TRPC6: variants seen among roughly 807,000 people sequenced by gnomAD.
The protein encoded by TRPC6 is transient receptor potential cation channel subfamily C member 6, also known as short transient receptor potential channel 6.
A neutral mutation model predicts 90.7 loss-of-function variants in TRPC6; 55 were observed. The observed-to-expected ratio is 0.61, with a 90% confidence interval of 0.49 to 0.76. The LOEUF (loss-of-function observed/expected upper bound fraction) is 0.76. Ranked by LOEUF, TRPC6 falls within the 30% of genes least tolerant of loss-of-function variation. The pLI, the probability that TRPC6 is intolerant of heterozygous loss-of-function variation, is 0.00. For missense variants in TRPC6, 989 were observed against 1,122.7 expected (o/e 0.88, Z 1.70); for synonymous variants, 393 against 393.0 (o/e 1.00, Z 0.00).
rs564663461 is a variant in TRPC6, at chr11:101,546,104, G to C, written c.170+37230C>G. ...TTTTGAGACGGAGTCTCGCTCTGTC[G>C]CCCAGGCCGGACTGCGGACTGCAGT... On this transcript the variant is annotated intron_variant, in intron 1 of 12. Coordinates refer to ENST00000344327, the MANE Select transcript of TRPC6 (RefSeq NM_004621.6). Among the ~76,000 whole-genome samples the C allele has an allele frequency of 5.8e-4, 27 of 46,912 alleles. No individual in the cohort carries two copies. The South Asian group carries it at 0.012, about 20-fold the overall frequency. 30.8% of individuals were successfully genotyped at this position (46,912 alleles called of 152,430 possible).
At chr11:101,501,118 T>A (rs929625264) in intron 2 of TRPC6, among the ~76,000 whole-genome samples, 1 of 148,618 alleles carries the variant, frequency 6.7e-6, no homozygotes, top group African/African-American at 2.5e-5. Flanking sequence ...CATACATACA[T>A]ACATACATAC....
intron 10 of TRPC6, among the ~76,000 whole-genome samples, chr11:101,463,351 T>C (rs1184710393): frequency 1.3e-5 from 2 of 152,348 alleles, no homozygotes; most frequent in Non-Finnish European, 2.9e-5. Context: ...ATTCCCTCTT[T>C]TTCTATTGTT....
At chr11:101,484,186 C>T (rs1379569036) in intron 4 of TRPC6, among the ~76,000 whole-genome samples, 3 of 152,158 alleles carry the variant, frequency 2.0e-5, no homozygotes, top group Non-Finnish European at 4.4e-5. Context: ...TTCAAAAGGG[C>T]AGGTGCACTC....
chr11:101,533,141 G>C (rs1337314413), intron 1 of TRPC6, among the ~76,000 whole-genome samples: 4 of 152,132 alleles, frequency 2.6e-5, no homozygotes, highest in South Asian at 2.1e-4. Flanking sequence ...AAAAAGATGG[G>C]AGTAAGAGTT....
chr11:101,454,654 C>T (rs1258924043), intron 11 of TRPC6, among the ~76,000 whole-genome samples: 1 of 151,584 alleles, frequency 6.6e-6, no homozygotes, highest in Non-Finnish European at 1.5e-5. Context: ...AAATTATGCA[C>T]ATATAGGCAT....
At chr11:101,459,203 T>C (rs888485661) in intron 10 of TRPC6, among the ~76,000 whole-genome samples, 1 of 152,106 alleles carries the variant, frequency 6.6e-6, no homozygotes, top group African/African-American at 2.4e-5. Flanking sequence ...GAGTTGGAAG[T>C]ATGAGATGTA....
intron 1 of TRPC6, among the ~76,000 whole-genome samples, chr11:101,549,617 T>G (rs920214340): frequency 1.3e-5 from 2 of 151,182 alleles, no homozygotes; most frequent in African/African-American, 2.4e-5. Flanking sequence ...AAAGAGGAGT[T>G]ATGTTTAAAA....
intron 1 of TRPC6, among the ~76,000 whole-genome samples, chr11:101,567,481 G>A (rs1861863919): frequency 6.6e-6 from 1 of 152,226 alleles, no homozygotes; most frequent in South Asian, 2.1e-4. Flanking sequence ...TCTGAAGAGA[G>A]CAGTGGATCT....
chr11:101,452,704 GA>G lies in TRPC6; in HGVS notation c.*250del. 2.1e-6 allele frequency: 1 copy of G among 480,208 alleles called. No individual in the cohort carries two copies. The highest frequency in any genetic ancestry group is 1.9e-5 in the African/African-American group (1 of 51,558). 29.7% of individuals were successfully genotyped at this position (480,208 alleles called of 1,614,324 possible). A position where few individuals can be genotyped will look rare whatever the true frequency, so the allele number is the denominator to read the frequency against. On this transcript the variant is annotated 3_prime_UTR_variant, in exon 13 of 13. Transcript: ENST00000344327. The stretch of plus-strand genomic sequence containing the variant: ...CATCACAAGAGTTAGTTATATCCAA[GA>G]AAGCAGTTTATAAAACAAGCACCAA...
At chr11:101,555,372 AACG>A (rs1861539274) in intron 1 of TRPC6, among the ~76,000 whole-genome samples, 1 of 152,076 alleles carries the variant, frequency 6.6e-6, no homozygotes. Context: ...ATTATTTAAC[AACG>A]ACCACCAAAA....
At chr11:101,462,007 T>C (rs926513106) in intron 10 of TRPC6, among the ~76,000 whole-genome samples, 10 of 152,142 alleles carry the variant, frequency 6.6e-5, no homozygotes, top group Non-Finnish European at 1.2e-4. Flanking sequence ...GGAAACTCAC[T>C]TGGGGTCCAG....
At chr11:101,566,801 C>A (rs529599217) in intron 1 of TRPC6, among the ~76,000 whole-genome samples, 2 of 152,264 alleles carry the variant, frequency 1.3e-5, no homozygotes, top group East Asian at 1.9e-4. Context: ...CCTCTCCTAG[C>A]CAAGGAAAGC....
chr11:101,555,284 C>T (rs796599302), intron 1 of TRPC6, among the ~76,000 whole-genome samples: 7 of 152,362 alleles, frequency 4.6e-5, no homozygotes, highest in African/African-American at 1.4e-4. Flanking sequence ...ATTATTTCTT[C>T]CGTTCCAAAG....
In TRPC6 at chr11:101,583,593, G is replaced by A. The variant is rs201212575; in HGVS notation, c.-90C>T. The A allele has an allele frequency of 4.4e-6, 6 of 1,365,240 alleles. No homozygotes were observed. The highest frequency in any genetic ancestry group is 5.7e-6 in the Non-Finnish European group (6 of 1,052,428). The allele number at this position is 1,365,240 out of a possible 1,614,324, so 84.6% of individuals were successfully genotyped here. ...GACCCGGTGCGGAGGGTTCGCGTCAGCGGCCGAACTGGACCTGGGCAGACC... is the reference window on the plus strand; with the variant it reads ...GACCCGGTGCGGAGGGTTCGCGTCAACGGCCGAACTGGACCTGGGCAGACC... On this transcript the variant is annotated 5_prime_UTR_variant, in exon 1 of 13. Transcript: ENST00000344327.
At chr11:101,502,536 G>A (rs1258621259) in intron 2 of TRPC6, among the ~76,000 whole-genome samples, 6 of 152,150 alleles carry the variant, frequency 3.9e-5, no homozygotes, top group Non-Finnish European at 8.8e-5. Context: ...TACAGTAAAG[G>A]AAACAGAAAT....
rs1279318310 is a variant in TRPC6, at chr11:101,461,699, G to A, written c.2485-6598C>T. 3.3e-5 allele frequency among the ~76,000 whole-genome samples: 5 copies of A among 151,992 alleles called. No individual in the cohort carries two copies. The East Asian group carries it at 7.7e-4, about 23-fold the overall frequency. ...TACACCTTTCCTTCTGTACATTCAC[G>A]CATTCTTTCTTTCCACAGACATTTG... On this transcript the variant is annotated intron_variant, in intron 10 of 12. Coordinates refer to ENST00000344327, the MANE Select transcript of TRPC6 (RefSeq NM_004621.6).
At chr11:101,481,649 G>T (rs1859554065) in intron 5 of TRPC6, among the ~76,000 whole-genome samples, 1 of 152,112 alleles carries the variant, frequency 6.6e-6, no homozygotes. Context: ...GTTGTTTGGG[G>T]TTTACCTATT....
chr11:101,483,705 G>A (rs985115517), intron 4 of TRPC6, among the ~76,000 whole-genome samples: 15 of 152,172 alleles, frequency 9.9e-5, no homozygotes, highest in Non-Finnish European at 1.2e-4. Context: ...GGACAGGGCA[G>A]CAGGACAGTT....
intron 2 of TRPC6, among the ~76,000 whole-genome samples, chr11:101,497,561 C>T (rs1022766834): frequency 6.6e-6 from 1 of 152,126 alleles, no homozygotes; most frequent in African/African-American, 2.4e-5. Context: ...GCAGAGGCAT[C>T]TGGAGGGCCA....
Sources: gnomAD v4.1 joint callset for allele counts (sites outside exome capture counted in the v4.1 genomes callset) on GRCh38, gnomAD v4.1.1 for gene constraint, MANE v1.5 for transcripts, NCBI Gene and HGNC (gene_info 2026-07-23, HGNC 2026-07-21) for gene names.